The following PRDM16 variants were observed in gnomAD, a reference collection of about 807,000 sequenced individuals.
The protein encoded by PRDM16 is histone-lysine N-methyltransferase PRDM16.
Under a neutral mutation model 110.6 loss-of-function variants are expected in PRDM16, and 23 were observed. The observed-to-expected ratio is 0.21, with a 90% CI of 0.15 to 0.29. The LOEUF is 0.29. Among genes scored for constraint, PRDM16 ranks in the 10% least tolerant of loss-of-function variants. PRDM16 has a pLI of 1.00. For synonymous variants in PRDM16, 799 were observed against 781.8 expected (o/e 1.02, Z -0.37); for missense variants, 1,615 against 1,794.3 (o/e 0.90, Z 1.81).
chr1:3,108,115 G>A (rs1463145183), intron 1 of PRDM16, among the ~76,000 whole-genome samples: 2 of 152,254 alleles, frequency 1.3e-5, no homozygotes, highest in African/African-American at 2.4e-5. Flanking sequence ...TGCAGCTGCA[G>A]CACACAGAGT....
chr1:3,182,019 T>C (rs1176476154), intron 1 of PRDM16, among the ~76,000 whole-genome samples: 1 of 152,210 alleles, frequency 6.6e-6, no homozygotes, highest in African/African-American at 2.4e-5. Context: ...ACACACTGTC[T>C]TACACATGCT....
In PRDM16 at chr1:3,390,514, G is replaced by A. The variant is rs936980558; in HGVS notation, c.573+5228G>A. ...GGGCAGAGCAGGGGTCCCGGCGCCCGCCGTGGAGCAGCACAGCCCCTCCAC... is the reference window on the plus strand; with the variant it reads ...GGGCAGAGCAGGGGTCCCGGCGCCCACCGTGGAGCAGCACAGCCCCTCCAC... On this transcript the variant is annotated intron_variant, in intron 4 of 16. Coordinates refer to ENST00000270722, the MANE Select transcript of PRDM16 (RefSeq NM_022114.4). This position sits in a 1 kb window ranked among gnomAD's most constrained non-coding sequence, Gnocchi z 5.0. Among the ~76,000 whole-genome samples, 2 of 152,170 alleles carry A rather than the reference G, an allele frequency of 1.3e-5. No individual in the cohort carries two copies. The highest frequency in any genetic ancestry group is 2.4e-5 in the African/African-American group (1 of 41,440).
At chr1:3,424,009 ATGCCAAGCACCCACG>A (rs934411665) in intron 12 of PRDM16, among the ~76,000 whole-genome samples, 10 of 152,266 alleles carry the variant, frequency 6.6e-5, no homozygotes, top group Non-Finnish European at 1.5e-5. Flanking sequence ...ACACACGCAC[ATGCCAAGCACCCACG>A]TGCAACTGAA....
intron 5 of PRDM16, among the ~76,000 whole-genome samples, chr1:3,397,723 C>T (rs1042598819): frequency 2.5e-4 from 38 of 152,354 alleles, no homozygotes; most frequent in African/African-American, 7.0e-4. Context: ...TGGACCTCCC[C>T]TTCAAACACA....
At chr1:3,212,448 T>C (rs1425087348) in intron 2 of PRDM16, among the ~76,000 whole-genome samples, 1 of 152,120 alleles carries the variant, frequency 6.6e-6, no homozygotes, top group Admixed American at 6.5e-5. Context: ...GGCCGGACGC[T>C]GGCCTGCAGT....
At chr1:3,200,022 C>T (rs920648960) in intron 2 of PRDM16, among the ~76,000 whole-genome samples, 11 of 152,262 alleles carry the variant, frequency 7.2e-5, no homozygotes, top group Non-Finnish European at 1.5e-4. Flanking sequence ...CTCACTTCCT[C>T]CTGGTGCACA....
In PRDM16 at chr1:3,260,178, A is replaced by T. The variant is rs531474163; in HGVS notation, c.438+16041A>T. Among the ~76,000 whole-genome samples, 3 of 152,338 alleles carry T rather than the reference A, an allele frequency of 2.0e-5. No individual in the cohort carries two copies. The South Asian group carries it at 6.2e-4, about 32-fold the overall frequency. On this transcript the variant is annotated intron_variant, in intron 3 of 16. Coordinates refer to ENST00000270722, the MANE Select transcript of PRDM16 (RefSeq NM_022114.4). The stretch of plus-strand genomic sequence containing the variant: ...CAAGCAACTACCCACACCCTGGCCT[A>T]GCAGGGAGCACTCCTGATTGTCTGG...
intron 2 of PRDM16, among the ~76,000 whole-genome samples, chr1:3,239,068 G>A (rs1639603693): frequency 6.6e-6 from 1 of 152,214 alleles, no homozygotes; most frequent in Non-Finnish European, 1.5e-5. Flanking sequence ...CTTCACCATT[G>A]CCATCACCTT....
chr1:3,410,661 C>T (rs1301194446), intron 8 of PRDM16, among the ~76,000 whole-genome samples: 1 of 152,138 alleles, frequency 6.6e-6, no homozygotes, highest in Non-Finnish European at 1.5e-5. Flanking sequence ...GGTGGGAGGA[C>T]ACTAGGAACA....
At chr1:3,205,833 C>T (rs1638741121) in intron 2 of PRDM16, among the ~76,000 whole-genome samples, 1 of 152,156 alleles carries the variant, frequency 6.6e-6, no homozygotes, top group African/African-American at 2.4e-5. Flanking sequence ...GTTGCATCCC[C>T]TGCCTCTTCA....
intron 1 of PRDM16, among the ~76,000 whole-genome samples, chr1:3,173,197 C>G (rs1367084151): frequency 2.0e-5 from 3 of 152,160 alleles, no homozygotes; most frequent in African/African-American, 7.2e-5. Context: ...CTTGCTGCCC[C>G]CGGGGCTCAG....
intron 3 of PRDM16, among the ~76,000 whole-genome samples, chr1:3,316,834 C>T (rs1641617630): frequency 6.6e-6 from 1 of 151,994 alleles, no homozygotes; most frequent in Non-Finnish European, 1.5e-5. Context: ...GAAACAGTGA[C>T]ACAAAATAGG....
At chr1:3,205,260 A>G (rs1386498594) in intron 2 of PRDM16, among the ~76,000 whole-genome samples, 8 of 152,130 alleles carry the variant, frequency 5.3e-5, no homozygotes, top group Non-Finnish European at 1.0e-4. Context: ...GGAACCCCCA[A>G]GGCGCCTTCT....
intron 3 of PRDM16, among the ~76,000 whole-genome samples, chr1:3,337,430 A>G (rs1642183414): frequency 6.6e-6 from 1 of 152,240 alleles, no homozygotes; most frequent in Admixed American, 6.5e-5. Context: ...TTCTGGGAGA[A>G]CAGGTTTAGC....
intron 1 of PRDM16, among the ~76,000 whole-genome samples, chr1:3,177,268 G>A (rs1222862359): frequency 2.0e-5 from 3 of 152,106 alleles, no homozygotes; most frequent in African/African-American, 7.2e-5. Flanking sequence ...CATCTATCAA[G>A]CATCTATTCA....
chr1:3,196,921 G>A (rs926741097), intron 2 of PRDM16, among the ~76,000 whole-genome samples: 3 of 152,214 alleles, frequency 2.0e-5, no homozygotes, highest in Non-Finnish European at 4.4e-5. Flanking sequence ...AGAAGCTGGA[G>A]CTGCGAAGAG....
intron 8 of PRDM16, among the ~76,000 whole-genome samples, chr1:3,410,381 C>A: frequency 6.6e-6 from 1 of 152,156 alleles, no homozygotes; most frequent in East Asian, 1.9e-4. Flanking sequence ...GGCACTGCCG[C>A]TTCCATCCCA....
At chr1:3,426,874 G>A (rs374971925) in intron 14 of PRDM16, among the ~76,000 whole-genome samples, 7 of 152,304 alleles carry the variant, frequency 4.6e-5, no homozygotes, top group African/African-American at 1.7e-4. Context: ...GGCAGTCCAG[G>A]AACTGTGTGC....
intron 1 of PRDM16, among the ~76,000 whole-genome samples, chr1:3,123,349 C>T (rs890883993): frequency 6.6e-6 from 1 of 152,208 alleles, no homozygotes; most frequent in Non-Finnish European, 1.5e-5. Context: ...TATCTCCAGG[C>T]GTCTGACAAA....
Sources: gnomAD v4.1 joint callset for allele counts (sites outside exome capture counted in the v4.1 genomes callset) on GRCh38, gnomAD v4.1.1 for gene constraint, Gnocchi (gnomAD v3.1) non-coding constraint, MANE v1.5 for transcripts, NCBI Gene and HGNC (gene_info 2026-07-23, HGNC 2026-07-21) for gene names.